The following CNTNAP2 variants were observed in gnomAD, a reference collection of about 807,000 sequenced individuals.
CNTNAP2 encodes the protein contactin-associated protein-like 2.
In CNTNAP2, 98 loss-of-function variants were observed where a neutral mutation model predicts 155.2. That is an observed-to-expected ratio of 0.63 (90% CI 0.54 to 0.75). The LOEUF (loss-of-function observed/expected upper bound fraction) is 0.75, where lower values mean the gene tolerates loss of function less well. Ranked by LOEUF, CNTNAP2 falls within the 30% of genes least tolerant of loss-of-function variation. The pLI, the probability that CNTNAP2 is intolerant of heterozygous loss-of-function variation, is 0.00. For synonymous variants in CNTNAP2, 651 were observed against 631.2 expected, an observed-to-expected ratio of 1.03 and a Z score of -0.47; for missense variants, 1,727 against 1,688.1, an observed-to-expected ratio of 1.02 and a Z score of -0.40.
At chr7:146,398,869 C>G (rs1795672805) in intron 1 of CNTNAP2, among the ~76,000 whole-genome samples, 2 of 151,634 alleles carry the variant, frequency 1.3e-5, no homozygotes, top group Admixed American at 1.3e-4. Context: ...TTTAGAAAAC[C>G]TATTTCTTTT....
chr7:146,922,616 A>C (rs1250907228), intron 3 of CNTNAP2, among the ~76,000 whole-genome samples: 1 of 152,198 alleles, frequency 6.6e-6, no homozygotes, highest in Non-Finnish European at 1.5e-5. Flanking sequence ...GTGTATAGTG[A>C]GAATTCTAAA....
chr7:146,920,726 A>C (rs1386702951), intron 3 of CNTNAP2, among the ~76,000 whole-genome samples: 1 of 152,144 alleles, frequency 6.6e-6, no homozygotes. Context: ...ACTGTCCACT[A>C]TGAGGGTTGT....
intron 9 of CNTNAP2, among the ~76,000 whole-genome samples, chr7:147,395,042 C>T (rs548464696): frequency 6.0e-5 from 9 of 151,142 alleles, no homozygotes; most frequent in African/African-American, 2.2e-4. Flanking sequence ...TCTAATGTTC[C>T]CTTAGATTTT....
intron 11 of CNTNAP2, among the ~76,000 whole-genome samples, chr7:147,523,803 C>A (rs1429738797): frequency 6.6e-6 from 1 of 152,186 alleles, no homozygotes; most frequent in East Asian, 1.9e-4. Flanking sequence ...GTGCTATGTA[C>A]AGATGTCTCG....
rs561714518 is a variant in CNTNAP2 at position 147,103,297 on chromosome 7, G to A, written c.551-4850G>A. On this transcript the variant is annotated intron_variant, in intron 4 of 23. Transcript: ENST00000361727. ...ATTCCATAAAAATGAATAAAGCTGC[G>A]TGAATAGAGAGGAGGTAAAGTTGGC... 2.6e-4 allele frequency among the ~76,000 whole-genome samples: 40 copies of A among 152,222 alleles called. No individual in the cohort carries two copies. The South Asian group carries it at 6.2e-3, about 24-fold the overall frequency.
intron 1 of CNTNAP2, among the ~76,000 whole-genome samples, chr7:146,652,410 C>T (rs903689937): frequency 1.3e-5 from 2 of 152,102 alleles, no homozygotes; most frequent in African/African-American, 4.8e-5. Flanking sequence ...GGCACATTAC[C>T]AAACTGCTTT....
At chr7:146,291,237 T>C (rs1357547280) in intron 1 of CNTNAP2, among the ~76,000 whole-genome samples, 1 of 152,244 alleles carries the variant, frequency 6.6e-6, no homozygotes, top group Non-Finnish European at 1.5e-5. Context: ...GAATATCTTC[T>C]GTCTTTTAAT....
chr7:147,261,130 T>A (rs1268420488), intron 8 of CNTNAP2, among the ~76,000 whole-genome samples: 1 of 152,228 alleles, frequency 6.6e-6, no homozygotes, highest in Non-Finnish European at 1.5e-5. Context: ...TTTTGAATGA[T>A]TTATTAAAAA....
At chr7:146,934,358 G>T (rs916367974) in intron 3 of CNTNAP2, among the ~76,000 whole-genome samples, 2 of 146,434 alleles carry the variant, frequency 1.4e-5, no homozygotes, top group Non-Finnish European at 3.0e-5. Flanking sequence ...ACCAAACACC[G>T]CATATTCTCA....
chr7:148,295,495 ATT>A (rs770172459), intron 21 of CNTNAP2, among the ~76,000 whole-genome samples: 13,244 of 145,820 alleles, frequency 0.091, 1,049 homozygotes, highest in African/African-American at 0.21. Flanking sequence ...ATTTTAATCA[ATT>A]TTTTTTTTTT....
At chr7:147,380,165 G>A (rs868395719) in intron 9 of CNTNAP2, among the ~76,000 whole-genome samples, 22 of 151,576 alleles carry the variant, frequency 1.5e-4, no homozygotes, top group African/African-American at 5.3e-4. Context: ...GAAAATTTAT[G>A]TTATAAACTT....
chr7:147,020,981 G>A (rs974269246), intron 3 of CNTNAP2, among the ~76,000 whole-genome samples: 2 of 151,986 alleles, frequency 1.3e-5, no homozygotes, highest in African/African-American at 4.8e-5. Context: ...AAATAAATGA[G>A]GCAACCCAGT....
In CNTNAP2 at chr7:147,441,115, A is replaced by G. The variant is rs957644495; in HGVS notation, c.1671-44820A>G. Among the ~76,000 whole-genome samples the G allele has an allele frequency of 4.6e-5, 7 of 152,080 alleles. No homozygotes were observed. The East Asian group carries it at 9.7e-4, about 21-fold the overall frequency. On this transcript the variant is annotated intron_variant, in intron 10 of 23. Coordinates refer to ENST00000361727, the MANE Select transcript of CNTNAP2 (RefSeq NM_014141.6). ...AATAAGTCTTAGATTTGCCCTTTTG[A>G]GGCTACTTTCTAGATTCTATATGCA...
At chr7:146,407,089 T>C (rs911321366) in intron 1 of CNTNAP2, among the ~76,000 whole-genome samples, 1 of 152,182 alleles carries the variant, frequency 6.6e-6, no homozygotes, top group Non-Finnish European at 1.5e-5. Context: ...ACATCAGTAA[T>C]GTGAAGAAGG....
intron 18 of CNTNAP2, among the ~76,000 whole-genome samples, chr7:148,200,027 T>C (rs977175543): frequency 3.3e-5 from 5 of 152,232 alleles, no homozygotes; most frequent in Admixed American, 6.5e-5. Flanking sequence ...ATTCCCCTTC[T>C]TCTGCCTTTT....
intron 8 of CNTNAP2, among the ~76,000 whole-genome samples, chr7:147,269,329 A>G (rs1253275208): frequency 6.6e-6 from 1 of 152,192 alleles, no homozygotes; most frequent in Non-Finnish European, 1.5e-5. Context: ...AGATTCTCTC[A>G]AGCTATTTCA....
At chr7:147,454,658 C>T (rs1797889923) in intron 10 of CNTNAP2, among the ~76,000 whole-genome samples, 1 of 151,904 alleles carries the variant, frequency 6.6e-6, no homozygotes, top group Non-Finnish European at 1.5e-5. Context: ...GGTTTATAAA[C>T]TGAACATGAA....
At chr7:148,085,222 C>T (rs981436298) in intron 15 of CNTNAP2, among the ~76,000 whole-genome samples, 5 of 152,200 alleles carry the variant, frequency 3.3e-5, no homozygotes, top group African/African-American at 1.2e-4. Flanking sequence ...TATGTAAATA[C>T]ATCGAGGTCT....
In CNTNAP2 at chr7:146,503,304, T is replaced by G. The variant is rs905693740; in HGVS notation, c.98-270967T>G. On this transcript the variant is annotated intron_variant, in intron 1 of 23. Coordinates refer to ENST00000361727, the MANE Select transcript of CNTNAP2 (RefSeq NM_014141.6). ...GATCAAACTTGTCCAACCCGCAGCC[T>G]ATGGGCCACATGCAGCTCAGGATGG... Among the ~76,000 whole-genome samples, 6 of 152,232 alleles carry G rather than the reference T, an allele frequency of 3.9e-5. No individual in the cohort carries two copies. In the East Asian group the frequency reaches 9.6e-4, roughly 24 times the overall value.
Sources: allele counts gnomAD v4.1 joint callset (sites outside exome capture counted in the v4.1 genomes callset), GRCh38; gene constraint gnomAD v4.1.1; transcripts MANE v1.5; gene names NCBI Gene and HGNC (gene_info 2026-07-23, HGNC 2026-07-21).